Variants in ACOX1 observed in about 807,000 individuals in gnomAD.
ACOX1 encodes the protein acyl-CoA oxidase 1.
In ACOX1, 41 loss-of-function variants were observed where a neutral mutation model predicts 75.5. The observed-to-expected ratio is 0.54, with a 90% CI of 0.42 to 0.70. ACOX1 has a LOEUF of 0.70. Ranked by LOEUF, ACOX1 falls within the 30% of genes least tolerant of loss-of-function variation. The pLI, the probability that ACOX1 is intolerant of heterozygous loss-of-function variation, is 0.00. For missense variants in ACOX1, 630 were observed against 837.5 expected (o/e 0.75, Z 3.06); for synonymous variants, 303 against 298.8 (o/e 1.01, Z -0.15).
rs945598810 is a variant in ACOX1 at position 75,970,271 on chromosome 17, G to A, written c.269+8263C>T. Among the ~76,000 whole-genome samples, 7 of 151,082 alleles carry A rather than the reference G, an allele frequency of 4.6e-5. No homozygotes were observed. In the South Asian group the frequency reaches 6.3e-4, roughly 14 times the overall value. On this transcript the variant is annotated intron_variant, in intron 2 of 13. Transcript: ENST00000293217. ...CAAAGCAAGAAGAATCTCCAGAAAT[G>A]GCCACATCTTGAAATGATTACATAT...
At chr17:75,946,870 GTT>G in intron 13 of ACOX1, 75 bp from the exon 14 acceptor site, 1 of 1,413,768 alleles carries the variant, frequency 7.1e-7, no homozygotes, top group Non-Finnish European at 9.8e-7. Context: ...TTTTGTTTTT[GTT>G]TTTGTTTTTT....
chr17:75,948,983 C>A (rs1443400075), intron 12 of ACOX1, among the ~76,000 whole-genome samples: 1 of 152,044 alleles, frequency 6.6e-6, no homozygotes, highest in East Asian at 1.9e-4. Context: ...CCTCAGCCTC[C>A]CTAGTAGCTG....
At position 75,950,310 on chromosome 17, in the gene ACOX1, A is replaced by G. The variant is rs963246425; in HGVS notation, c.1299-413T>C. 4.0e-5 allele frequency among the ~76,000 whole-genome samples: 6 copies of G among 150,570 alleles called. No individual in the cohort carries two copies. The highest frequency in any genetic ancestry group is 2.7e-4 in the Admixed American group (4 of 15,084). On this transcript the variant is annotated intron_variant, in intron 9 of 13. Coordinates refer to ENST00000293217, the MANE Select transcript of ACOX1 (RefSeq NM_004035.7). The surrounding 1 kb of genome is among the most constrained non-coding windows in gnomAD (Gnocchi z 4.3). ...GCCCAGGATGGAGTGCAATAGCGCAATCTTGGCTCACTGCAACCTCCGCTT... is the reference window on the plus strand; with the variant it reads ...GCCCAGGATGGAGTGCAATAGCGCAGTCTTGGCTCACTGCAACCTCCGCTT...
intron 4 of ACOX1, among the ~76,000 whole-genome samples, chr17:75,956,965 CTCTCTCTATATATA>C (rs2065835931): frequency 8.4e-3 from 120 of 14,336 alleles, no homozygotes; most frequent in Non-Finnish European, 0.011. Flanking sequence ...CTCTCTCTCT[CTCTCTCTATATATA>C]TATATATATA....
intron 2 of ACOX1, among the ~76,000 whole-genome samples, chr17:75,962,787 G>A (rs568160898): frequency 3.9e-5 from 6 of 152,288 alleles, no homozygotes; most frequent in Admixed American, 6.5e-5. Context: ...CAAGAATCTC[G>A]TCACCATGGG....
chr17:75,960,881 G>A lies in ACOX1; in HGVS notation c.270-506C>T, dbSNP rs111644094. Among the ~76,000 whole-genome samples the A allele has an allele frequency of 0.03, 4,494 of 152,238 alleles. 74 individuals are homozygous for A. The highest frequency in any genetic ancestry group is 0.051 in the Middle Eastern group (15 of 294). On this transcript the variant is annotated intron_variant, in intron 2 of 13. Coordinates refer to ENST00000293217, the MANE Select transcript of ACOX1 (RefSeq NM_004035.7). This position sits in a 1 kb window ranked among gnomAD's most constrained non-coding sequence, Gnocchi z 4.4. ...TAGTCCCAGCTATTTGGGAGCCTGA[G>A]GCAGGAAAATCGCTTGAACCTAGGA...
At chr17:75,965,337 C>CAAAAAAAAAAAAAAAAAAAAAAAAAAAA (rs11293371) in intron 2 of ACOX1, among the ~76,000 whole-genome samples, 2 of 81,712 alleles carry the variant, frequency 2.4e-5, no homozygotes, top group Non-Finnish European at 5.2e-5. Context: ...GACTCTGTCT[C>CAAAAAAAAAAAAAAAAAAAAAAAAAAAA]AAAAAAAAAA....
rs2065764083 is a variant in ACOX1 at position 75,950,418 on chromosome 17, T to C, written c.1298+356A>G. ...ATGTGCCATCATGCCCGGCTAATTT[T>C]TTTGTATTTTTTTAGTAGAGACACG... On this transcript the variant is annotated intron_variant, in intron 9 of 13. Coordinates refer to ENST00000293217, the MANE Select transcript of ACOX1 (RefSeq NM_004035.7). This position sits in a 1 kb window ranked among gnomAD's most constrained non-coding sequence, Gnocchi z 4.3. 6.6e-6 allele frequency among the ~76,000 whole-genome samples: 1 copy of C among 152,082 alleles called. No homozygotes were observed. Among genetic ancestry groups the C allele is most frequent in the South Asian group, 2.1e-4 (1 of 4,828 alleles).
chr17:75,953,592 G>A lies in ACOX1; in HGVS notation c.803C>T (p.Pro268Leu), dbSNP rs1214836560. Residue 268 changes from proline (P) to leucine (L), a missense_variant, in exon 7 of 14, where the codon CCG (proline) becomes CTG (leucine). Physicochemically the swap from Pro to Leu is moderately conservative, Grantham distance 98. Around this residue, in one of 2 missense-constraint regions of ACOX1, gnomAD observed 390 missense variants for 574.9 expected, o/e 0.68. Transcript: ENST00000293217. ...CCCGTAAGTCAGCTTGTTACTCAGC[G>A]GTTTCACGTATGTGCCATCAGGCTT... ...QVKPDGTYVK[P>L]LSNKLTYGTM... 5 of 1,614,020 alleles carry A rather than the reference G, an allele frequency of 3.1e-6. No individual in the cohort carries two copies. Among genetic ancestry groups the A allele is most frequent in the East Asian group, 2.2e-5 (1 of 44,898 alleles).
chr17:75,961,009 T>C (rs1035593946), intron 2 of ACOX1, among the ~76,000 whole-genome samples: 2 of 148,466 alleles, frequency 1.3e-5, no homozygotes, highest in African/African-American at 5.0e-5. Flanking sequence ...TAAGAGAGAA[T>C]TGGCCAGGTG....
intron 10 of ACOX1, 42 bp downstream of exon 10, chr17:75,949,676 A>C: frequency 2.5e-6 from 4 of 1,613,974 alleles, no homozygotes; most frequent in Non-Finnish European, 3.4e-6. Context: ...TCAGGGCCCC[A>C]GCCCCACTGC....
At chr17:75,963,912 G>A (rs538851808) in intron 2 of ACOX1, among the ~76,000 whole-genome samples, 19 of 151,116 alleles carry the variant, frequency 1.3e-4, no homozygotes, top group Middle Eastern at 3.4e-3. Context: ...GGCCAGGCAC[G>A]GTGGCTCATG....
At chr17:75,961,349 G>C (rs991753368) in intron 2 of ACOX1, among the ~76,000 whole-genome samples, 3 of 150,876 alleles carry the variant, frequency 2.0e-5, no homozygotes, top group African/African-American at 7.3e-5. Flanking sequence ...GCCAGGCATG[G>C]TGGCTCATGC....
At chr17:75,958,352 CAAAAAAAA>C (rs1279952402) in intron 3 of ACOX1, among the ~76,000 whole-genome samples, 1 of 66,984 alleles carries the variant, frequency 1.5e-5, no homozygotes, top group African/African-American at 6.4e-5. Flanking sequence ...GACTCCATCT[CAAAAAAAA>C]AAAAAAAAGA....
intron 2 of ACOX1, among the ~76,000 whole-genome samples, chr17:75,970,126 G>T (rs953210934): frequency 1.1e-4 from 16 of 143,120 alleles, no homozygotes; most frequent in Admixed American, 1.4e-4. Flanking sequence ...GGTGGAGGTT[G>T]CAGTGAGCCG....
chr17:75,949,578 T>C lies in ACOX1; in HGVS notation c.1501A>G (p.Asn501Asp). ...CTGTGAATCACTTCTTTTTGAAGGT[T>C]TTTTGCAGCAATTTCTACTAATCTG... is the stretch of plus-strand genomic sequence containing the variant. ...AARLVEIAAK[N>D]LQKEVIHRKS... is the part of the protein sequence containing the mutation. Residue 501 changes from asparagine to aspartate, a missense_variant, in exon 11 of 14, where the codon AAC becomes GAC. By Grantham distance (23) the Asn-to-Asp change is conservative. Transcript: ENST00000293217. 1 of 1,614,158 alleles carries C rather than the reference T, an allele frequency of 6.2e-7. No homozygotes were observed. Among genetic ancestry groups the C allele is most frequent in the Non-Finnish European group, 8.5e-7 (1 of 1,180,026 alleles).
chr17:75,949,058 C>T (rs2065748880), intron 12 of ACOX1, among the ~76,000 whole-genome samples, 159 bp downstream of exon 12: 1 of 151,662 alleles, frequency 6.6e-6, no homozygotes, highest in Non-Finnish European at 1.5e-5. Flanking sequence ...CAGGGTTTCA[C>T]CAGGCCAGGC....
chr17:75,946,682 A>T lies in ACOX1; in HGVS notation c.*66T>A. On this transcript the variant is annotated 3_prime_UTR_variant, in exon 14 of 14. Transcript: ENST00000293217. ...CTATAGCTATTTGAATTCGAAAAAG[A>T]TTCCACAAAATTTGAGTTGCACACA... 2 of 1,441,278 alleles carry T rather than the reference A, an allele frequency of 1.4e-6. No homozygotes were observed. The highest frequency in any genetic ancestry group is 2.3e-5 in the South Asian group (2 of 86,906). 89.3% of individuals were successfully genotyped at this position (1,441,278 alleles called of 1,614,324 possible). A position where few individuals can be genotyped will look rare whatever the true frequency, so the allele number is the denominator to read the frequency against.
chr17:75,979,080 G>A lies in ACOX1; in HGVS notation c.-7C>T, dbSNP rs532728783. The A allele has an allele frequency of 5.0e-6, 8 of 1,610,852 alleles. No homozygotes were observed. The South Asian group carries it at 7.7e-5, about 15-fold the overall frequency. The stretch of plus-strand genomic sequence containing the variant: ...TGCGCAGGTCCGGGTTCATGGCGAC[G>A]ACCAGCTGGCAGCGAAGTAAGCACC... On this transcript the variant is annotated 5_prime_UTR_variant, in exon 1 of 14. Coordinates refer to ENST00000293217, the MANE Select transcript of ACOX1 (RefSeq NM_004035.7).
Sources: gnomAD v4.1 joint callset for allele counts (sites outside exome capture counted in the v4.1 genomes callset) on GRCh38, gnomAD v4.1.1 for gene constraint, gnomAD v4.1.1 regional missense constraint, Gnocchi (gnomAD v3.1) non-coding constraint, MANE v1.5 for transcripts, NCBI Gene and HGNC (gene_info 2026-07-23, HGNC 2026-07-21) for gene names.